Variants in HSPD1 observed in about 807,000 individuals in gnomAD.
HSPD1 encodes the protein heat shock protein family D (Hsp60) member 1, also known as 60 kDa heat shock protein, mitochondrial.
A neutral mutation model predicts 53.0 loss-of-function variants in HSPD1; 3 were observed. That is an observed-to-expected ratio of 0.06 (90% confidence interval 0.03 to 0.15). The LOEUF is 0.15. HSPD1 is among the 10% of genes least tolerant of loss of function. The probability of loss-of-function intolerance (pLI) is 1.00; values close to 1 mark genes in which losing one functional copy is unlikely to be tolerated. For synonymous variants in HSPD1, 200 were observed against 228.0 expected (o/e 0.88, Z 1.10); for missense variants, 431 against 694.1 (o/e 0.62, Z 4.26).
chr2:197,488,637 G>GGTGA (rs1559300460), intron 9 of HSPD1, 146 bp from the exon 10 acceptor site: 4 of 803,236 alleles, frequency 5.0e-6, no homozygotes, highest in Non-Finnish European at 8.9e-6. Context: ...GGGAGGCTGA[G>GGTGA]GTGAGTGGAT....
Position 197,499,087 on chromosome 2 carries a change from G to A in HSPD1, c.-2-237C>T, listed in dbSNP as rs559169650. 1.6e-5 allele frequency: 9 copies of A among 580,340 alleles called. No individual in the cohort carries two copies. In the South Asian group the frequency reaches 1.8e-4, roughly 12 times the overall value. The allele number at this position is 580,340 out of a possible 1,614,324, so 35.9% of individuals were successfully genotyped here. ...TATAGCACCAGCACAAAGCACATGCGGCTCCTTCCCCACGGCCACCTATCC... is the reference window on the plus strand; with the variant it reads ...TATAGCACCAGCACAAAGCACATGCAGCTCCTTCCCCACGGCCACCTATCC... On this transcript the variant is annotated intron_variant, in intron 1 of 11. Transcript: ENST00000388968.
rs1219232769 is a variant in HSPD1, at chr2:197,487,095, A to C, written c.1673T>G (p.Met558Arg). ...EIPKEEKDPGMGAMGGMGGGM... is the reference protein window; with the variant it reads ...EIPKEEKDPGRGAMGGMGGGM... ...ACCTCCCATTCCACCCATTGCACCCATTCCAGGGTCCTTCTCTTCTTTAGG... is the reference window on the plus strand; with the variant it reads ...ACCTCCCATTCCACCCATTGCACCCCTTCCAGGGTCCTTCTCTTCTTTAGG... The change falls in exon 12 of 12, where the codon ATG becomes AGG. Residue 558 changes from methionine (M) to arginine (R), a missense_variant. Physicochemically the swap from Met to Arg is moderately conservative, Grantham distance 91 (BLOSUM62 -1). Transcript: ENST00000388968. The C allele has an allele frequency of 6.4e-7, 1 of 1,558,112 alleles. No individual in the cohort carries two copies. The highest frequency in any genetic ancestry group is 8.9e-7 in the Non-Finnish European group (1 of 1,129,150).
chr2:197,493,255 C>T, intron 7 of HSPD1, 69 bp downstream of exon 7: 2 of 1,353,634 alleles, frequency 1.5e-6, no homozygotes, highest in Non-Finnish European at 2.1e-6. Context: ...ATGGAAACTG[C>T]AAACAGCAAT....
intron 3 of HSPD1, 59 bp downstream of exon 3, chr2:197,497,081 A>G (rs1256516518): frequency 6.5e-7 from 1 of 1,534,492 alleles, no homozygotes; most frequent in South Asian, 1.1e-5. Context: ...GGTCCAAGGA[A>G]TCAATGCCTT....
intron 3 of HSPD1, among the ~76,000 whole-genome samples, chr2:197,495,830 T>C (rs2086150886): frequency 2.6e-5 from 4 of 152,238 alleles, no homozygotes; most frequent in Admixed American, 2.6e-4. Context: ...TTGCGTGGCA[T>C]GTACTTAAAC....
At chr2:197,487,242 G>T in intron 11 of HSPD1, 44 bp from the exon 12 acceptor site, 1 of 1,558,080 alleles carries the variant, frequency 6.4e-7, no homozygotes, top group South Asian at 1.1e-5. Flanking sequence ...AGTAAAATAT[G>T]AGCAAGACTT....
chr2:197,495,419 T>C (rs1397039878), intron 3 of HSPD1, 43 bp from the exon 4 acceptor site: 1 of 1,171,394 alleles, frequency 8.5e-7, no homozygotes, highest in East Asian at 2.3e-5. Flanking sequence ...ATTTCTCTCA[T>C]GGCTTCTATG....
chr2:197,498,714 G>C lies in HSPD1; in HGVS notation c.135C>G (p.Asp45Glu). Residue 45 changes from aspartate to glutamate, a missense_variant, in exon 2 of 12, where the codon GAC (aspartate) becomes GAG (glutamate). Coordinates refer to ENST00000388968, the MANE Select transcript of HSPD1 (RefSeq NM_002156.5). The part of the protein sequence containing the change: ...DARALMLQGV[D>E]LLADAVAVTM... ...TAACGGCCACAGCATCGGCTAAAAG[G>C]TCTACACCTTGAAGCATTAAGGCTC... 1.2e-6 allele frequency: 2 copies of C among 1,614,066 alleles called. No homozygotes were observed. The highest frequency in any genetic ancestry group is 8.5e-7 in the Non-Finnish European group (1 of 1,180,020).
intron 10 of HSPD1, 55 bp from the exon 11 acceptor site, chr2:197,488,091 CATTT>C (rs1414037532): frequency 5.5e-6 from 7 of 1,272,642 alleles, no homozygotes; most frequent in Non-Finnish European, 7.8e-6. Flanking sequence ...TATTGTAACA[CATTT>C]ATAAGTTGTG....
At chr2:197,499,202 C>A (rs1417363841) in intron 1 of HSPD1, 1 of 379,174 alleles carries the variant, frequency 2.6e-6, no homozygotes. Context: ...ACCAAGTCAG[C>A]CGGAGAGAGG....
At chr2:197,490,113 T>C in intron 8 of HSPD1, 84 bp downstream of exon 8, 1 of 994,410 alleles carries the variant, frequency 1.0e-6, no homozygotes, top group Non-Finnish European at 1.6e-6. Flanking sequence ...AGTTGTAGTA[T>C]CTAATTGTGA....
Position 197,488,450 on chromosome 2 carries a change from G to T in HSPD1, c.1257C>A (p.Asp419Glu), listed in dbSNP as rs376504536. The change falls in exon 10 of 12, where the codon GAC becomes GAA. Residue 419 changes from aspartate (D) to glutamate (E), a missense_variant. Asp to Glu is a conservative substitution (Grantham distance 45). Around this residue, in one of 2 missense-constraint regions of HSPD1, gnomAD observed 386 missense variants for 657.6 expected, o/e 0.59. Coordinates refer to ENST00000388968, the MANE Select transcript of HSPD1 (RefSeq NM_002156.5). ...TAGCATTAAGGGCATCTGTAACTCT[G>T]TCTTTCTTTTCATTCACTTCAACAT... ...TSDVEVNEKKDRVTDALNATR... is the reference protein window; with the variant it reads ...TSDVEVNEKKERVTDALNATR... 5.0e-6 allele frequency: 8 copies of T among 1,613,860 alleles called. No individual in the cohort carries two copies. Among genetic ancestry groups the T allele is most frequent in the Non-Finnish European group, 6.8e-6 (8 of 1,179,776 alleles).
chr2:197,500,210 C>G, upstream of HSPD1: 1 of 608,228 alleles, frequency 1.6e-6, no homozygotes, highest in Non-Finnish European at 3.0e-6. Flanking sequence ...TTTCTTCCGC[C>G]TCCGAGTCTT....
chr2:197,500,252 C>T (rs1199400807), upstream of HSPD1: 5 of 730,204 alleles, frequency 6.8e-6, no homozygotes, highest in East Asian at 5.4e-5. Context: ...GCCCTTGGGG[C>T]GAATCGCGGT....
intron 5 of HSPD1, 38 bp downstream of exon 5, chr2:197,494,619 T>G: frequency 8.7e-7 from 1 of 1,153,196 alleles, no homozygotes; most frequent in African/African-American, 1.5e-5. Flanking sequence ...GATCATAAGA[T>G]AACTCAAAAT....
At chr2:197,489,894 G>A (rs1025728831) in intron 8 of HSPD1, among the ~76,000 whole-genome samples, 1 of 150,288 alleles carries the variant, frequency 6.7e-6, no homozygotes, top group African/African-American at 2.4e-5. Context: ...AAGTCAATAA[G>A]AATAGTCAAT....
At chr2:197,496,141 T>C (rs943272420) in intron 3 of HSPD1, among the ~76,000 whole-genome samples, 1 of 152,220 alleles carries the variant, frequency 6.6e-6, no homozygotes, top group Non-Finnish European at 1.5e-5. Context: ...TGAAATCCCC[T>C]CAATTTAGTA....
chr2:197,488,937 C>T (rs957080824), intron 9 of HSPD1, 65 bp downstream of exon 9: 2 of 1,555,572 alleles, frequency 1.3e-6, no homozygotes, highest in Admixed American at 1.7e-5. Context: ...CTGGGGAATA[C>T]TACAGAAGCA....
intron 5 of HSPD1, 33 bp downstream of exon 5, chr2:197,494,624 C>A: frequency 7.4e-7 from 1 of 1,349,712 alleles, no homozygotes; most frequent in South Asian, 1.2e-5. Context: ...TAAGATAACT[C>A]AAAATTATCT....
Sources: gnomAD v4.1 joint callset for allele counts (sites outside exome capture counted in the v4.1 genomes callset) on GRCh38, gnomAD v4.1.1 for gene constraint, gnomAD v4.1.1 regional missense constraint, MANE v1.5 for transcripts, NCBI Gene and HGNC (gene_info 2026-07-23, HGNC 2026-07-21) for gene names.